NOVA1: variants seen among roughly 807,000 people sequenced by gnomAD.
The protein encoded by NOVA1 is RNA-binding protein Nova-1.
NOVA1 carries 7 observed loss-of-function variants against 38.0 expected under a neutral mutation model. That is an observed-to-expected ratio of 0.18 (90% confidence interval 0.10 to 0.35). The LOEUF is 0.35. Among genes scored for constraint, NOVA1 ranks in the 10% least tolerant of loss-of-function variants. The probability of loss-of-function intolerance (pLI) is 1.00; values close to 1 mark genes in which losing one functional copy is unlikely to be tolerated. For synonymous variants in NOVA1, 270 were observed against 232.5 expected, an observed-to-expected ratio of 1.16 and a Z score of -1.47; for missense variants, 460 against 616.0, an observed-to-expected ratio of 0.75 and a Z score of 2.68.
intron 3 of NOVA1, among the ~76,000 whole-genome samples, chr14:26,476,771 C>A (rs2138276597): frequency 6.8e-6 from 1 of 146,560 alleles, no homozygotes; most frequent in African/African-American, 2.5e-5. Context: ...GGCTGGAGTA[C>A]AATGGCGCGA....
intron 2 of NOVA1, among the ~76,000 whole-genome samples, chr14:26,486,312 T>G (rs1457749795): frequency 6.6e-6 from 1 of 152,094 alleles, no homozygotes; most frequent in Non-Finnish European, 1.5e-5. Flanking sequence ...TGCTAAAATA[T>G]CTGATTATAA....
At chr14:26,505,212 G>A (rs559163842) in intron 2 of NOVA1, among the ~76,000 whole-genome samples, 1 of 152,224 alleles carries the variant, frequency 6.6e-6, no homozygotes, top group Non-Finnish European at 1.5e-5. Context: ...TGAGCTAAAC[G>A]GTAAATTGAA....
intron 2 of NOVA1, among the ~76,000 whole-genome samples, chr14:26,482,011 AAAAC>A: frequency 8.1e-6 from 1 of 123,046 alleles, no homozygotes; most frequent in Non-Finnish European, 1.8e-5. Flanking sequence ...AAAAAAAAAA[AAAAC>A]ATGGCTCTAA....
intron 2 of NOVA1, among the ~76,000 whole-genome samples, chr14:26,488,284 A>G (rs1566470405): frequency 6.6e-6 from 1 of 152,192 alleles, no homozygotes; most frequent in Non-Finnish European, 1.5e-5. Context: ...ATGAGAGTAT[A>G]TTTTTCAGAA....
chr14:26,452,467 G>A (rs2138570952), intron 4 of NOVA1, among the ~76,000 whole-genome samples: 1 of 152,254 alleles, frequency 6.6e-6, no homozygotes, highest in South Asian at 2.1e-4. Flanking sequence ...AGAGAATTAT[G>A]TAAGATAGAT....
At chr14:26,487,684 C>T (rs577045605) in intron 2 of NOVA1, among the ~76,000 whole-genome samples, 3 of 151,978 alleles carry the variant, frequency 2.0e-5, no homozygotes, top group African/African-American at 4.8e-5. Flanking sequence ...TTAAGAAAAT[C>T]GCATATGTTT....
In NOVA1 at chr14:26,513,409, G is replaced by A. The variant is rs186056159; in HGVS notation, c.281-33266C>T. ...CATGCAATGCTTTGAAATTAAGTAGGGATACCTGATAAACAATTGGCAATA... is the reference window on the plus strand; with the variant it reads ...CATGCAATGCTTTGAAATTAAGTAGAGATACCTGATAAACAATTGGCAATA... On this transcript the variant is annotated intron_variant, in intron 2 of 4. Coordinates refer to ENST00000539517, the MANE Select transcript of NOVA1 (RefSeq NM_002515.3). 1.8e-3 allele frequency among the ~76,000 whole-genome samples: 271 copies of A among 151,632 alleles called. 1 individual carries two copies. Among genetic ancestry groups the A allele is most frequent in the African/African-American group, 6.2e-3 (259 of 41,460 alleles).
At chr14:26,561,148 AG>A (rs1309309534) in intron 2 of NOVA1, among the ~76,000 whole-genome samples, 3 of 152,104 alleles carry the variant, frequency 2.0e-5, no homozygotes, top group African/African-American at 7.2e-5. Flanking sequence ...CAGGAGGCGG[AG>A]CTCAGGTGGT....
At chr14:26,558,320 A>C (rs969011520) in intron 2 of NOVA1, among the ~76,000 whole-genome samples, 7 of 152,304 alleles carry the variant, frequency 4.6e-5, no homozygotes, top group Non-Finnish European at 1.0e-4. Context: ...CAAACTTGGA[A>C]GTAAAGATGT....
chr14:26,531,163 C>T (rs908419048), intron 2 of NOVA1, among the ~76,000 whole-genome samples: 10 of 152,168 alleles, frequency 6.6e-5, no homozygotes, highest in African/African-American at 2.4e-4. Flanking sequence ...CCATCTACTC[C>T]TTCTTTATTT....
chr14:26,520,468 T>C (rs1159110096), intron 2 of NOVA1, among the ~76,000 whole-genome samples: 1 of 152,114 alleles, frequency 6.6e-6, no homozygotes, highest in Non-Finnish European at 1.5e-5. Context: ...AGACAGCACT[T>C]CAGCACTGCA....
chr14:26,581,447 A>C (rs1184760347), intron 2 of NOVA1, among the ~76,000 whole-genome samples: 2 of 152,050 alleles, frequency 1.3e-5, no homozygotes, highest in Non-Finnish European at 2.9e-5. Context: ...AGGCAATTGA[A>C]TCATTTCATG....
intron 2 of NOVA1, among the ~76,000 whole-genome samples, chr14:26,563,613 CCTA>C (rs1464279253): frequency 6.6e-6 from 1 of 151,558 alleles, no homozygotes; most frequent in Non-Finnish European, 1.5e-5. Context: ...TTATTTTCAG[CCTA>C]CAATTATATA....
At chr14:26,529,429 C>A (rs903185959) in intron 2 of NOVA1, among the ~76,000 whole-genome samples, 2 of 152,082 alleles carry the variant, frequency 1.3e-5, no homozygotes, top group Non-Finnish European at 1.5e-5. Flanking sequence ...TGAGTCACCA[C>A]GCCCAGCCGA....
At chr14:26,582,009 T>G (rs1594577656) in intron 2 of NOVA1, among the ~76,000 whole-genome samples, 1 of 151,852 alleles carries the variant, frequency 6.6e-6, no homozygotes, top group South Asian at 2.1e-4. Flanking sequence ...GATCAACAAG[T>G]AACTTTTAGT....
rs1295182842 is a variant in NOVA1, at chr14:26,448,268, T to G, written c.1215A>C (p.Leu405=). 1.2e-6 allele frequency: 2 copies of G among 1,614,064 alleles called. No homozygotes were observed. Among genetic ancestry groups the G allele is most frequent in the Admixed American group, 1.7e-5 (1 of 59,996 alleles). Residue 405 remains leucine, a synonymous_variant, in exon 5 of 5, where the codon CTA becomes CTC. Transcript: ENST00000539517. The surrounding 1 kb of genome is among the most constrained non-coding windows in gnomAD (Gnocchi z 5.3). ...CTGTTCCTAGAATGGCACTGGCAGC[T>G]AGGGGAGAAGCAGCTCCAAAATATC... ...TNGYFGAASP[L]AASAILGTEK...
intron 2 of NOVA1, among the ~76,000 whole-genome samples, chr14:26,503,238 C>A (rs1179511556): frequency 6.6e-6 from 1 of 151,806 alleles, no homozygotes; most frequent in African/African-American, 2.4e-5. Flanking sequence ...AAAAGGTAAA[C>A]ATCAACCCCA....
intron 2 of NOVA1, among the ~76,000 whole-genome samples, chr14:26,560,723 T>C (rs1260142407): frequency 2.6e-5 from 4 of 152,246 alleles, no homozygotes; most frequent in South Asian, 4.1e-4. Context: ...CACATTTACA[T>C]ATAAAAAGGA....
At chr14:26,558,997 G>T (rs965455399) in intron 2 of NOVA1, among the ~76,000 whole-genome samples, 1 of 151,888 alleles carries the variant, frequency 6.6e-6, no homozygotes, top group Non-Finnish European at 1.5e-5. Context: ...GGATGCAAAA[G>T]AAAACTTATA....
Sources: allele counts gnomAD v4.1 joint callset (sites outside exome capture counted in the v4.1 genomes callset), GRCh38; gene constraint gnomAD v4.1.1; non-coding constraint Gnocchi (gnomAD v3.1); transcripts MANE v1.5; gene names NCBI Gene and HGNC (gene_info 2026-07-23, HGNC 2026-07-21).